LRRC7: variants seen among roughly 807,000 people sequenced by gnomAD.
LRRC7 encodes the protein leucine rich repeat containing 7.
LRRC7 carries 23 observed loss-of-function variants against 175.7 expected under a neutral mutation model. The observed-to-expected ratio is 0.13, with a 90% CI of 0.09 to 0.19. LRRC7 has a LOEUF of 0.19. LRRC7 is among the 10% of genes least tolerant of loss of function. The pLI, the probability that LRRC7 is intolerant of heterozygous loss-of-function variation, is 1.00. For synonymous variants in LRRC7, 685 were observed against 680.9 expected, an observed-to-expected ratio of 1.01 and a Z score of -0.09; for missense variants, 1,354 against 1,904.7, an observed-to-expected ratio of 0.71 and a Z score of 5.38.
chr1:69,969,845 A>G (rs914290796), intron 8 of LRRC7, among the ~76,000 whole-genome samples: 3 of 152,138 alleles, frequency 2.0e-5, no homozygotes, highest in Non-Finnish European at 4.4e-5. Context: ...TCAACAGCGC[A>G]TGGAACTTTC....
intron 15 of LRRC7, 44 bp from the exon 16 acceptor site, chr1:70,020,961 A>T: frequency 6.5e-7 from 1 of 1,547,646 alleles, no homozygotes; most frequent in Admixed American, 2.0e-5. Context: ...TTTGTGTAAA[A>T]TTGTTTTTTA....
At chr1:69,718,798 G>C (rs1227655536) in intron 2 of LRRC7, among the ~76,000 whole-genome samples, 1 of 151,748 alleles carries the variant, frequency 6.6e-6, no homozygotes, top group Non-Finnish European at 1.5e-5. Context: ...GATTCAAAGA[G>C]GGCAACAGTG....
chr1:69,717,954 AAGAAGAAAAAGAAAG>A (rs1665779665), intron 2 of LRRC7, among the ~76,000 whole-genome samples: 6 of 106,014 alleles, frequency 5.7e-5, no homozygotes, highest in African/African-American at 8.3e-5. Flanking sequence ...GAAAGAAAGA[AAGAAGAAAAAGAAAG>A]AAAGAGAAAG....
chr1:69,659,051 T>C (rs1395566476), intron 1 of LRRC7, among the ~76,000 whole-genome samples: 2 of 151,890 alleles, frequency 1.3e-5, no homozygotes, highest in African/African-American at 4.8e-5. Flanking sequence ...ACTGCAAACT[T>C]TGGTAGAAGA....
At chr1:69,872,129 A>G (rs773025314) in intron 7 of LRRC7, among the ~76,000 whole-genome samples, 2 of 152,016 alleles carry the variant, frequency 1.3e-5, no homozygotes, top group Non-Finnish European at 2.9e-5. Flanking sequence ...CCATCCTTTA[A>G]TATTCTGTGT....
rs1384445632 is a variant in LRRC7, at chr1:69,707,531, AAAT to A, written c.100+29054_100+29056del. Among the ~76,000 whole-genome samples, 7 of 152,072 alleles carry A rather than the reference AAAT, an allele frequency of 4.6e-5. No homozygotes were observed. In the East Asian group the frequency reaches 1.3e-3, roughly 29 times the overall value. On this transcript the variant is annotated intron_variant, in intron 2 of 26. Coordinates refer to ENST00000651989, the MANE Select transcript of LRRC7 (RefSeq NM_001370785.2). ...TGTTTCCTGGTATTCCCTCCCAAAA[AAAT>A]TATTTATTCTCAACTCTGTCTCAGG...
At chr1:69,814,238 G>A (rs1678316155) in intron 4 of LRRC7, among the ~76,000 whole-genome samples, 2 of 151,978 alleles carry the variant, frequency 1.3e-5, no homozygotes, top group Admixed American at 6.6e-5. Flanking sequence ...ATTCTCATCT[G>A]TAAACACCCA....
intron 5 of LRRC7, among the ~76,000 whole-genome samples, chr1:69,831,481 G>T (rs1350333208): frequency 6.6e-6 from 1 of 151,980 alleles, no homozygotes; most frequent in African/African-American, 2.4e-5. Context: ...TTCAAGGACT[G>T]TAAACCCTGC....
chr1:69,986,145 C>A, intron 9 of LRRC7, 97 bp from the exon 10 acceptor site: 1 of 1,096,808 alleles, frequency 9.1e-7, no homozygotes, highest in Non-Finnish European at 1.3e-6. Context: ...GTTGTGGTTG[C>A]TTTTAAAATA....
intron 4 of LRRC7, among the ~76,000 whole-genome samples, chr1:69,801,331 A>C (rs1026324114): frequency 6.6e-6 from 1 of 151,732 alleles, no homozygotes; most frequent in Non-Finnish European, 1.5e-5. Flanking sequence ...TTTGGCTCTG[A>C]ATCCATCTGG....
intron 3 of LRRC7, among the ~76,000 whole-genome samples, chr1:69,775,763 G>A (rs1422294388): frequency 3.3e-5 from 5 of 152,096 alleles, no homozygotes; most frequent in Non-Finnish European, 5.9e-5. Context: ...AATCAAATGC[G>A]AAATTCATCT....
chr1:70,108,885 G>A (rs1014386846), intron 26 of LRRC7, among the ~76,000 whole-genome samples: 5 of 152,182 alleles, frequency 3.3e-5, no homozygotes, highest in East Asian at 1.9e-4. Context: ...AATGTACTGC[G>A]TTCTCTCAGA....
At chr1:69,721,435 A>G (rs1171001703) in intron 2 of LRRC7, among the ~76,000 whole-genome samples, 1 of 133,120 alleles carries the variant, frequency 7.5e-6, no homozygotes, top group Non-Finnish European at 1.6e-5. Flanking sequence ...TCATCTCCAG[A>G]ATGTCATATA....
chr1:69,737,331 C>A (rs574275831), intron 2 of LRRC7, among the ~76,000 whole-genome samples: 103 of 152,160 alleles, frequency 6.8e-4, no homozygotes, highest in African/African-American at 2.4e-3. Flanking sequence ...AAGGGCAGTT[C>A]CCCTGCACAG....
intron 1 of LRRC7, among the ~76,000 whole-genome samples, chr1:69,626,026 A>ATGAT (rs3040032): frequency 0.98 from 149,384 of 152,198 alleles, 73,370 homozygotes; most frequent in Middle Eastern, 1. Context: ...ATTTCTCACT[A>ATGAT]TGTAAATGAT....
intron 2 of LRRC7, among the ~76,000 whole-genome samples, chr1:69,691,510 C>T (rs1661858666): frequency 6.6e-6 from 1 of 151,972 alleles, no homozygotes. Flanking sequence ...ATAAAGGATA[C>T]AACTTGGCCA....
rs138493436 is a variant in LRRC7 at position 69,909,481 on chromosome 1, G to C, written c.648-22026G>C. 8.3e-3 allele frequency among the ~76,000 whole-genome samples: 1,257 copies of C among 152,120 alleles called. 15 individuals carry two copies. Among genetic ancestry groups the C allele is most frequent in the African/African-American group, 0.028 (1,143 of 41,498 alleles). On this transcript the variant is annotated intron_variant, in intron 7 of 26. Transcript: ENST00000651989. ...GGCAGGCCTGGGGGTGACAAAATCT[G>C]CCAGCATTTGCTTGTCTGTAAAGTA...
At chr1:69,999,436 T>C in intron 11 of LRRC7, among the ~76,000 whole-genome samples, 1 of 152,160 alleles carries the variant, frequency 6.6e-6, no homozygotes, top group South Asian at 2.1e-4. Context: ...TTATGTTTGG[T>C]GACAGAAGCA....
chr1:69,758,344 C>G (rs912308256), intron 2 of LRRC7, among the ~76,000 whole-genome samples: 4 of 152,018 alleles, frequency 2.6e-5, no homozygotes, highest in Non-Finnish European at 4.4e-5. Context: ...CTACAGATTA[C>G]CATGTGCAAA....
Sources: gnomAD v4.1 joint callset for allele counts (sites outside exome capture counted in the v4.1 genomes callset) on GRCh38, gnomAD v4.1.1 for gene constraint, MANE v1.5 for transcripts, NCBI Gene and HGNC (gene_info 2026-07-23, HGNC 2026-07-21) for gene names.